Variants in CPNE2 observed in about 807,000 individuals in gnomAD.
CPNE2 encodes copine 2.
A neutral mutation model predicts 69.7 loss-of-function variants in CPNE2; 42 were observed. The observed-to-expected ratio is 0.60, with a 90% CI of 0.47 to 0.78. The LOEUF is 0.78. Ranked by LOEUF, CPNE2 falls within the 30% of genes least tolerant of loss-of-function variation. The pLI, the probability that CPNE2 is intolerant of heterozygous loss-of-function variation, is 0.00. For missense variants in CPNE2, 587 were observed against 732.0 expected (o/e 0.80, Z 2.29); for synonymous variants, 294 against 289.8 (o/e 1.01, Z -0.15).
chr16:57,092,606 A>C lies in CPNE2; in HGVS notation c.-220A>C, dbSNP rs1354782939. Reference sequence around the variant, plus strand: ...CCGCCCGCCCGCCCGGCCCGGGAGGAGGACCGGACCCCGAGCGGCTGGGAG... The same window carrying C: ...CCGCCCGCCCGCCCGGCCCGGGAGGCGGACCGGACCCCGAGCGGCTGGGAG... On this transcript the variant is annotated 5_prime_UTR_variant, in exon 1 of 16. Coordinates refer to ENST00000290776, the MANE Select transcript of CPNE2 (RefSeq NM_152727.6). The surrounding 1 kb of genome is among the most constrained non-coding windows in gnomAD (Gnocchi z 5.3). The C allele has an allele frequency of 3.4e-5, 5 of 148,974 alleles. No individual in the cohort carries two copies. The East Asian group carries it at 8.0e-4, about 24-fold the overall frequency. 9.2% of individuals were successfully genotyped at this position (148,974 alleles called of 1,614,324 possible).
At chr16:57,095,688 C>T (rs1158557393) in intron 1 of CPNE2, among the ~76,000 whole-genome samples, 1 of 152,176 alleles carries the variant, frequency 6.6e-6, no homozygotes, top group Non-Finnish European at 1.5e-5. Context: ...TGGCCTTGAA[C>T]TCCTGGCCTC....
chr16:57,126,959 C>T (rs900831474), intron 11 of CPNE2, among the ~76,000 whole-genome samples: 5 of 152,230 alleles, frequency 3.3e-5, no homozygotes, highest in African/African-American at 7.2e-5. Context: ...ATCAGTCTCC[C>T]TGCTTCTGCC....
chr16:57,112,161 C>T (rs900359641), intron 2 of CPNE2, among the ~76,000 whole-genome samples: 9 of 152,268 alleles, frequency 5.9e-5, no homozygotes, highest in African/African-American at 1.4e-4. Context: ...GCCAAGAAAA[C>T]GGTGTGGGAT....
At chr16:57,123,358 C>T in intron 9 of CPNE2, 56 bp from the exon 10 acceptor site, 6 of 1,578,208 alleles carry the variant, frequency 3.8e-6, no homozygotes, top group Non-Finnish European at 4.3e-6. Flanking sequence ...AACAACTCCC[C>T]CATGGGGAGT....
Position 57,146,117 on chromosome 16 carries a change from G to A in CPNE2, c.1335G>A (p.Gly445=). 1.9e-6 allele frequency: 3 copies of A among 1,601,698 alleles called. No homozygotes were observed. Among genetic ancestry groups the A allele is most frequent in the Non-Finnish European group, 2.6e-6 (3 of 1,173,710 alleles). Residue 445 remains glycine, a synonymous_variant, in exon 15 of 16, where the codon GGG becomes GGA. Coordinates refer to ENST00000290776, the MANE Select transcript of CPNE2 (RefSeq NM_152727.6). The surrounding 1 kb of genome is among the most constrained non-coding windows in gnomAD (Gnocchi z 4.4). ...TCATCCTCCTCATCATCACGGACGG[G>A]GTCATCAGTGACATGGAGGAGACAC... ...QYFILLIITD[G]VISDMEETRH... is the part of the protein sequence containing the mutation.
chr16:57,115,825 C>T (rs1310423729), intron 4 of CPNE2, among the ~76,000 whole-genome samples: 5 of 152,254 alleles, frequency 3.3e-5, no homozygotes, highest in African/African-American at 1.2e-4. Context: ...TTCAGAAGTG[C>T]CCTGCCCATC....
chr16:57,106,031 T>C (rs1299250285), intron 1 of CPNE2: 2 of 152,698 alleles, frequency 1.3e-5, no homozygotes, highest in African/African-American at 4.8e-5. Flanking sequence ...TGTAGTTTCT[T>C]TTTCCATTGC....
intron 2 of CPNE2, among the ~76,000 whole-genome samples, chr16:57,111,565 A>G (rs1200162783): frequency 6.6e-6 from 1 of 152,366 alleles, no homozygotes; most frequent in South Asian, 2.1e-4. Context: ...AAATGAACAC[A>G]TGGTCAGTAA....
At chr16:57,128,732 G>A (rs1383463815) in intron 12 of CPNE2, among the ~76,000 whole-genome samples, 1 of 152,170 alleles carries the variant, frequency 6.6e-6, no homozygotes, top group Non-Finnish European at 1.5e-5. Context: ...CCCAGTAGGT[G>A]GCATTTCATC....
At chr16:57,119,710 T>G (rs1006327265) in intron 7 of CPNE2, 60 bp downstream of exon 7, 1 of 1,200,744 alleles carries the variant, frequency 8.3e-7, no homozygotes, top group African/African-American at 1.5e-5. Context: ...CCAGTCTACC[T>G]GAGGCTCCCG....
intron 6 of CPNE2, 127 bp downstream of exon 6, chr16:57,119,405 G>C: frequency 8.8e-7 from 1 of 1,139,570 alleles, no homozygotes; most frequent in South Asian, 1.3e-5. Context: ...GGCACCTGAG[G>C]GATATGCTTC....
chr16:57,123,204 G>C (rs879740933), intron 9 of CPNE2: 3 of 594,088 alleles, frequency 5.0e-6, no homozygotes, highest in African/African-American at 3.7e-5. Context: ...GTGGGGTGTG[G>C]GGGTCTCTGT....
intron 13 of CPNE2, 139 bp downstream of exon 13, chr16:57,134,965 G>A (rs760254040): frequency 1.4e-5 from 13 of 935,104 alleles, no homozygotes; most frequent in Non-Finnish European, 2.0e-5. Flanking sequence ...AGTGACAGAG[G>A]GGGAAGAGCT....
intron 14 of CPNE2, 97 bp from the exon 15 acceptor site, chr16:57,145,988 T>C: frequency 9.6e-7 from 1 of 1,040,014 alleles, no homozygotes; most frequent in Non-Finnish European, 1.4e-6. Flanking sequence ...TGCACTGCCT[T>C]CCTCCAGGAC....
chr16:57,147,532 AC>A lies in CPNE2; in HGVS notation c.1540-16del, dbSNP rs1324215977. ...CCTTATTCTCTCTCTTCCCCACCCCACCCTCCTCCACCCTGCAGGCAGCAAA... is the reference window on the plus strand; with the variant it reads ...CCTTATTCTCTCTCTTCCCCACCCCACCTCCTCCACCCTGCAGGCAGCAAA... On this transcript the variant is annotated intron_variant, in intron 15 of 15. Coordinates refer to ENST00000290776, the MANE Select transcript of CPNE2 (RefSeq NM_152727.6). 1 of 1,527,362 alleles carries A rather than the reference AC, an allele frequency of 6.5e-7. No individual in the cohort carries two copies. Among genetic ancestry groups the A allele is most frequent in the Non-Finnish European group, 8.9e-7 (1 of 1,124,262 alleles). The allele number at this position is 1,527,362 out of a possible 1,614,324, so 94.6% of individuals were successfully genotyped here. A position where few individuals can be genotyped will look rare whatever the true frequency, so the allele number is the denominator to read the frequency against.
chr16:57,121,364 T>C (rs2069760852), intron 8 of CPNE2, among the ~76,000 whole-genome samples, 173 bp downstream of exon 8: 1 of 152,006 alleles, frequency 6.6e-6, no homozygotes, highest in Non-Finnish European at 1.5e-5. Flanking sequence ...GGCAGAGGAT[T>C]TGGGTGGGGA....
intron 13 of CPNE2, among the ~76,000 whole-genome samples, 155 bp downstream of exon 13, chr16:57,134,981 T>G (rs1287756810): frequency 6.6e-6 from 1 of 152,158 alleles, no homozygotes; most frequent in African/African-American, 2.4e-5. Flanking sequence ...GAGCTGCAGT[T>G]TGGAGTCAGA....
Position 57,126,009 on chromosome 16 carries a change from G to T in CPNE2, c.1061+16G>T, listed in dbSNP as rs377664960. 56 of 1,613,698 alleles carry T rather than the reference G, an allele frequency of 3.5e-5. 1 individual carries two copies. The East Asian group carries it at 4.7e-4, about 13-fold the overall frequency. On this transcript the variant is annotated intron_variant, in intron 11 of 15. Coordinates refer to ENST00000290776, the MANE Select transcript of CPNE2 (RefSeq NM_152727.6). The stretch of plus-strand genomic sequence containing the variant: ...ACTACGACAGGTAAGGTTGGAGAGG[G>T]GCTCTGAAGGTCAGCTAGGGTTCCA...
intron 7 of CPNE2, 72 bp from the exon 8 acceptor site, chr16:57,121,021 G>T: frequency 9.0e-7 from 1 of 1,108,108 alleles, no homozygotes; most frequent in Non-Finnish European, 1.3e-6. Context: ...GGGTTTGCTT[G>T]GGGAGTTGAG....
Sources: gnomAD v4.1 joint callset for allele counts (sites outside exome capture counted in the v4.1 genomes callset) on GRCh38, gnomAD v4.1.1 for gene constraint, Gnocchi (gnomAD v3.1) non-coding constraint, MANE v1.5 for transcripts, NCBI Gene and HGNC (gene_info 2026-07-23, HGNC 2026-07-21) for gene names.